The following LDB1 variants were observed in gnomAD, a reference collection of about 807,000 sequenced individuals.
LDB1 encodes the protein LIM domain-binding protein 1.
A neutral mutation model predicts 49.7 loss-of-function variants in LDB1; 6 were observed. The observed-to-expected ratio is 0.12, with a 90% confidence interval of 0.07 to 0.24. The LOEUF (loss-of-function observed/expected upper bound fraction) is 0.24. LDB1 is among the 10% of genes least tolerant of loss of function. The pLI, the probability that LDB1 is intolerant of heterozygous loss-of-function variation, is 1.00. For missense variants in LDB1, 341 were observed against 561.7 expected, an observed-to-expected ratio of 0.61 and a Z score of 3.97; for synonymous variants, 233 against 202.0, an observed-to-expected ratio of 1.15 and a Z score of -1.30.
downstream of LDB1, among the ~76,000 whole-genome samples, chr10:102,105,352 G>C (rs576541729): frequency 6.6e-6 from 1 of 152,300 alleles, no homozygotes; most frequent in Admixed American, 6.5e-5. Context: ...GATAACTGTA[G>C]ATTGGAGATT....
At position 102,109,066 on chromosome 10, in the gene LDB1, C is replaced by A; in HGVS notation, c.968G>T (p.Ser323Ile). 1 of 1,614,244 alleles carries A rather than the reference C, an allele frequency of 6.2e-7. No individual in the cohort carries two copies. Among genetic ancestry groups the A allele is most frequent in the South Asian group, 1.1e-5 (1 of 91,090 alleles). ...NTNNSNSKKKSPASTFALSSQ... is the reference protein window; with the variant it reads ...NTNNSNSKKKIPASTFALSSQ... ...GGAGAGGGCGAAGGTGCTAGCTGGG[C>A]TCTTCTTCTTGCTGTTGCTGTTGTT... Residue 323 changes from serine to isoleucine, a missense_variant, in exon 10 of 11, where the codon AGC (serine) becomes ATC (isoleucine). Around this residue, in one of 5 missense-constraint regions of LDB1, gnomAD observed 233 missense variants for 385.7 expected, o/e 0.60. Coordinates refer to ENST00000673968, the MANE Select transcript of LDB1 (RefSeq NM_001113407.3). This position sits in a 1 kb window ranked among gnomAD's most constrained non-coding sequence, Gnocchi z 5.8.
chr10:102,107,761 T>A lies in LDB1; in HGVS notation c.*332A>T. Reference sequence around the variant, plus strand: ...AACCCCAGGCTTGAAAGGGGTAAAGTCAGGGGGATGGGAAACCCACAATCT... The same window carrying A: ...AACCCCAGGCTTGAAAGGGGTAAAGACAGGGGGATGGGAAACCCACAATCT... On this transcript the variant is annotated 3_prime_UTR_variant, in exon 11 of 11. Transcript: ENST00000673968. 2.6e-6 allele frequency: 1 copy of A among 381,040 alleles called. No individual in the cohort carries two copies. The highest frequency in any genetic ancestry group is 2.7e-5 in the South Asian group (1 of 36,554). The allele number at this position is 381,040 out of a possible 1,614,324, so 23.6% of individuals were successfully genotyped here. A position where few individuals can be genotyped will look rare whatever the true frequency, so the allele number is the denominator to read the frequency against.
downstream of LDB1, among the ~76,000 whole-genome samples, chr10:102,105,335 C>T (rs554083437): frequency 6.6e-6 from 1 of 152,126 alleles, no homozygotes; most frequent in African/African-American, 2.4e-5. Context: ...CAGCAGGGCA[C>T]GGCCAAGATA....
chr10:102,114,946 C>T, intron 1 of LDB1: 4 of 572,894 alleles, frequency 7.0e-6, no homozygotes, highest in Non-Finnish European at 6.6e-6. Context: ...GCCTTTCTCC[C>T]TTTCTCTCCC....
At chr10:102,116,217 T>C (rs2068334831) in intron 1 of LDB1, among the ~76,000 whole-genome samples, 1 of 152,234 alleles carries the variant, frequency 6.6e-6, no homozygotes, top group African/African-American at 2.4e-5. Context: ...AGTCTCGCTC[T>C]GTTGCTTAGG....
intron 1 of LDB1, chr10:102,115,101 G>C (rs2068319199): frequency 1.3e-5 from 2 of 152,308 alleles, no homozygotes; most frequent in Admixed American, 6.5e-5. Context: ...AGGCTGGGAC[G>C]GAGGGACTGC....
chr10:102,114,812 GCCC>G, intron 1 of LDB1: 196 of 929,374 alleles, frequency 2.1e-4, no homozygotes, highest in South Asian at 3.5e-4. Flanking sequence ...CCTCCGAGCA[GCCC>G]GCCCGCCCTC....
upstream of LDB1, among the ~76,000 whole-genome samples, chr10:102,120,954 C>G (rs2068412738): frequency 6.6e-6 from 1 of 152,202 alleles, no homozygotes; most frequent in Non-Finnish European, 1.5e-5. Context: ...TGTTTCGCGT[C>G]CCTACCCTAG....
Position 102,111,416 on chromosome 10 carries a change from G to T in LDB1, c.128+18C>A. On this transcript the variant is annotated intron_variant, in intron 2 of 10. Transcript: ENST00000673968. The stretch of plus-strand genomic sequence containing the variant: ...CCACCTGGAGAAGGGTTAGGAAGTG[G>T]CCAAGAGACTCACTTACCCCACATC... 1 of 1,597,104 alleles carries T rather than the reference G, an allele frequency of 6.3e-7. No homozygotes were observed. Among genetic ancestry groups the T allele is most frequent in the Non-Finnish European group, 8.6e-7 (1 of 1,167,884 alleles).
rs1400284162 is a variant in LDB1, at chr10:102,107,229, G to A, written c.*864C>T. ...TAAGGAATATACATACCATGGGGGTGGGGCTGGAAGAGAGGGAGTCACAAG... is the reference window on the plus strand; with the variant it reads ...TAAGGAATATACATACCATGGGGGTAGGGCTGGAAGAGAGGGAGTCACAAG... On this transcript the variant is annotated 3_prime_UTR_variant, in exon 11 of 11. Coordinates refer to ENST00000673968, the MANE Select transcript of LDB1 (RefSeq NM_001113407.3). Among the ~76,000 whole-genome samples, 1 of 152,100 alleles carries A rather than the reference G, an allele frequency of 6.6e-6. No homozygotes were observed. The highest frequency in any genetic ancestry group is 2.4e-5 in the African/African-American group (1 of 41,404).
chr10:102,114,744 TTCCTCTCTCCTCC>T, intron 1 of LDB1: 1 of 838,776 alleles, frequency 1.2e-6, no homozygotes, highest in Non-Finnish European at 1.4e-6. Flanking sequence ...GCTCCGCTCT[TTCCTCTCTCCTCC>T]TCCTCCTTCT....
Position 102,107,912 on chromosome 10 carries a change from C to T in LDB1, c.*181G>A. On this transcript the variant is annotated 3_prime_UTR_variant, in exon 11 of 11. Coordinates refer to ENST00000673968, the MANE Select transcript of LDB1 (RefSeq NM_001113407.3). ...AGGCTCTGTAGAGGCCAGGCCCAGCCCAGGGCCACTGGGGGGGCAAATCTT... is the reference window on the plus strand; with the variant it reads ...AGGCTCTGTAGAGGCCAGGCCCAGCTCAGGGCCACTGGGGGGGCAAATCTT... The T allele has an allele frequency of 1.6e-6, 1 of 642,574 alleles. No individual in the cohort carries two copies. The highest frequency in any genetic ancestry group is 2.7e-5 in the Admixed American group (1 of 36,652). 39.8% of individuals were successfully genotyped at this position (642,574 alleles called of 1,614,324 possible). A position where few individuals can be genotyped will look rare whatever the true frequency, so the allele number is the denominator to read the frequency against.
rs1030942008 is a variant in LDB1, at chr10:102,108,207, G to A, written c.1122C>T (p.Asp374=). ...CAGGGGAGTTGTTAAAGCTGTCCTC[G>A]TCGTCAATGCCGTTGGCTGCGTCAA... ...TQFDAANGID[D]EDSFNNSPAL... is the part of the protein sequence containing the mutation. Residue 374 remains aspartate (D), a synonymous_variant, in exon 11 of 11, where the codon GAC becomes GAT. Transcript: ENST00000673968. 7 of 1,614,022 alleles carry A rather than the reference G, an allele frequency of 4.3e-6. No homozygotes were observed. Among genetic ancestry groups the A allele is most frequent in the Middle Eastern group, 1.6e-4 (1 of 6,062 alleles).
At position 102,110,961 on chromosome 10, in the gene LDB1, T is replaced by G; in HGVS notation, c.260A>C (p.Asn87Thr). ...RLQNWTEECDNLWWDAFTTEF... is the reference protein window; with the variant it reads ...RLQNWTEECDTLWWDAFTTEF... ...AGTCGTGAATGCATCCCACCAGAGATTGTCACACTCCTAGGGAGCATGGTA... is the reference window on the plus strand; with the variant it reads ...AGTCGTGAATGCATCCCACCAGAGAGTGTCACACTCCTAGGGAGCATGGTA... The change falls in exon 5 of 11, where the codon AAT becomes ACT. Residue 87 changes from asparagine to threonine, a missense_variant. Transcript: ENST00000673968. 1 of 1,613,998 alleles carries G rather than the reference T, an allele frequency of 6.2e-7. No individual in the cohort carries two copies. Among genetic ancestry groups the G allele is most frequent in the South Asian group, 1.1e-5 (1 of 91,084 alleles).
chr10:102,103,394 G>A (rs1047643542), downstream of LDB1, among the ~76,000 whole-genome samples: 19 of 152,060 alleles, frequency 1.2e-4, no homozygotes, highest in African/African-American at 3.9e-4. Context: ...GGGCTGGAGT[G>A]CAGTGGTGCA....
rs2068215692 is a variant in LDB1, at chr10:102,109,329, T to C, written c.856+55A>G. 3 of 1,610,738 alleles carry C rather than the reference T, an allele frequency of 1.9e-6. No homozygotes were observed. Among genetic ancestry groups the C allele is most frequent in the African/African-American group, 1.3e-5 (1 of 74,806 alleles). ...GGAAAACTTCAAAAGGAAATAAAGATACAGCTTTGGGGAGCGGTGTGAGAT... is the reference window on the plus strand; with the variant it reads ...GGAAAACTTCAAAAGGAAATAAAGACACAGCTTTGGGGAGCGGTGTGAGAT... On this transcript the variant is annotated intron_variant, in intron 9 of 10. Transcript: ENST00000673968. This position sits in a 1 kb window ranked among gnomAD's most constrained non-coding sequence, Gnocchi z 5.8.
At chr10:102,112,671 TGAGACTTGG>T (rs1006168751) in intron 1 of LDB1, among the ~76,000 whole-genome samples, 19 of 146,816 alleles carry the variant, frequency 1.3e-4, no homozygotes, top group Non-Finnish European at 2.6e-4. Flanking sequence ...TTTTCTCTTC[TGAGACTTGG>T]GAGTCGGGGA....
In LDB1 at chr10:102,117,695, C is replaced by T. The variant is rs1277150141; in HGVS notation, c.25+2391G>A. 6.6e-6 allele frequency among the ~76,000 whole-genome samples: 1 copy of T among 152,196 alleles called. No individual in the cohort carries two copies. The highest frequency in any genetic ancestry group is 1.5e-5 in the Non-Finnish European group (1 of 68,028). On this transcript the variant is annotated intron_variant, in intron 1 of 10. Coordinates refer to ENST00000673968, the MANE Select transcript of LDB1 (RefSeq NM_001113407.3). The surrounding 1 kb of genome is among the most constrained non-coding windows in gnomAD (Gnocchi z 4.2). Reference sequence around the variant, plus strand: ...GCCTCCTCCCCTCCCCCTACTCCTCCCTGCCTTAACCCTTCTGAGCCACAT... The same window carrying T: ...GCCTCCTCCCCTCCCCCTACTCCTCTCTGCCTTAACCCTTCTGAGCCACAT...
intron 1 of LDB1, chr10:102,114,783 C>T: frequency 1.0e-6 from 1 of 964,372 alleles, no homozygotes; most frequent in Non-Finnish European, 1.2e-6. Context: ...CTCCCCGCCG[C>T]CGCCTCTTGC....
Sources: allele counts gnomAD v4.1 joint callset (sites outside exome capture counted in the v4.1 genomes callset), GRCh38; gene constraint gnomAD v4.1.1; regional missense constraint gnomAD v4.1.1; non-coding constraint Gnocchi (gnomAD v3.1); transcripts MANE v1.5; gene names NCBI Gene and HGNC (gene_info 2026-07-23, HGNC 2026-07-21).